The following PIK3C2G variants were observed in gnomAD, a reference collection of about 807,000 sequenced individuals.
PIK3C2G encodes the protein phosphatidylinositol-4-phosphate 3-kinase catalytic subunit type 2 gamma, also known as phosphatidylinositol 3-kinase C2 domain-containing subunit gamma.
A neutral mutation model predicts 181.1 loss-of-function variants in PIK3C2G; 168 were observed. The observed-to-expected ratio is 0.93, with a 90% confidence interval of 0.82 to 1.05. The LOEUF (loss-of-function observed/expected upper bound fraction) is 1.05. Among genes scored for constraint, PIK3C2G ranks in the 50% least tolerant of loss-of-function variants. PIK3C2G has a pLI of 0.00. For synonymous variants in PIK3C2G, 573 were observed against 592.2 expected, an observed-to-expected ratio of 0.97 and a Z score of 0.47; for missense variants, 1,869 against 1,732.8, an observed-to-expected ratio of 1.08 and a Z score of -1.40.
chr12:18,664,721 G>A, the PIK3C2G span, among the ~76,000 whole-genome samples: 81 of 151,344 alleles, frequency 5.4e-4, no homozygotes, highest in African/African-American at 1.8e-3. Context: ...TGTTTATTGC[G>A]GCACTATTCA....
At chr12:18,324,856 T>C (rs571738840) in intron 7 of PIK3C2G, among the ~76,000 whole-genome samples, 179 bp from the exon 8 acceptor site, 1 of 152,338 alleles carries the variant, frequency 6.6e-6, no homozygotes, top group South Asian at 2.1e-4. Flanking sequence ...TATCAAGTTA[T>C]ACAAACTTTA....
intron 29 of PIK3C2G, among the ~76,000 whole-genome samples, chr12:18,567,469 T>C (rs910786860): frequency 2.6e-5 from 4 of 152,080 alleles, no homozygotes; most frequent in African/African-American, 9.7e-5. Context: ...GCCTAATTTG[T>C]ATAAAATACA....
intron 32 of PIK3C2G, among the ~76,000 whole-genome samples, chr12:18,646,941 C>T (rs923191159): frequency 5.3e-5 from 8 of 151,598 alleles, no homozygotes; most frequent in South Asian, 2.1e-4. Context: ...AAGAACAAGA[C>T]GTGAAACTGT....
chr12:18,417,516 C>T (rs542049452), intron 16 of PIK3C2G, among the ~76,000 whole-genome samples: 46 of 152,152 alleles, frequency 3.0e-4, no homozygotes, highest in African/African-American at 1.1e-3. Flanking sequence ...TTACCACAAC[C>T]ACCCCAACCT....
chr12:18,303,019 C>G (rs530947459), intron 5 of PIK3C2G, among the ~76,000 whole-genome samples: 1 of 152,126 alleles, frequency 6.6e-6, no homozygotes, highest in Non-Finnish European at 1.5e-5. Flanking sequence ...CTCAGACCCC[C>G]CAGTGGTACA....
chr12:18,716,033 A>AT, the PIK3C2G span, among the ~76,000 whole-genome samples: 4 of 152,208 alleles, frequency 2.6e-5, no homozygotes, highest in Non-Finnish European at 5.9e-5. Flanking sequence ...GCAAATGAAT[A>AT]TATTTCTTGG....
intron 32 of PIK3C2G, among the ~76,000 whole-genome samples, chr12:18,642,991 A>G (rs1296451861): frequency 6.6e-6 from 1 of 152,090 alleles, no homozygotes; most frequent in African/African-American, 2.4e-5. Context: ...TTTTGAGTAC[A>G]AGTCTCCATG....
chr12:18,324,463 G>A (rs1444925462), intron 7 of PIK3C2G, among the ~76,000 whole-genome samples: 1 of 152,174 alleles, frequency 6.6e-6, no homozygotes, highest in Non-Finnish European at 1.5e-5. Flanking sequence ...AAATAAGAAG[G>A]TAAAGTCAAT....
intron 18 of PIK3C2G, among the ~76,000 whole-genome samples, chr12:18,457,332 G>A (rs1694841187): frequency 2.0e-5 from 3 of 152,120 alleles, no homozygotes; most frequent in Admixed American, 2.0e-4. Context: ...TGGCAATTGA[G>A]GAAGTAAGAA....
chr12:18,348,049 T>G (rs1939847837), intron 11 of PIK3C2G, among the ~76,000 whole-genome samples: 1 of 152,038 alleles, frequency 6.6e-6, no homozygotes, highest in African/African-American at 2.4e-5. Context: ...ATTATTACTC[T>G]AATTAATGTT....
Position 18,407,023 on chromosome 12 carries a change from A to C in PIK3C2G, c.2315+7176A>C, listed in dbSNP as rs1287847598. 4.6e-5 allele frequency among the ~76,000 whole-genome samples: 7 copies of C among 152,262 alleles called. No homozygotes were observed. In the East Asian group the frequency reaches 1.4e-3, roughly 29 times the overall value. ...AGTTATTCCTTGAATGACCTTGGAC[A>C]AGTTTATTTAACTTTAAAACAAAGA... On this transcript the variant is annotated intron_variant, in intron 16 of 32. Coordinates refer to ENST00000538779, the MANE Select transcript of PIK3C2G (RefSeq NM_001288772.2).
chr12:18,619,235 A>G (rs1035083794), intron 31 of PIK3C2G, among the ~76,000 whole-genome samples: 19 of 152,158 alleles, frequency 1.2e-4, no homozygotes, highest in Middle Eastern at 3.4e-3. Flanking sequence ...GAAACAGCAG[A>G]AGGTAGAAGA....
the PIK3C2G span, among the ~76,000 whole-genome samples, chr12:18,659,850 C>G: frequency 6.6e-6 from 1 of 152,054 alleles, no homozygotes. Context: ...CAGATAAAAA[C>G]TGAGACAGTT....
intron 31 of PIK3C2G, among the ~76,000 whole-genome samples, chr12:18,624,472 T>A (rs1949003054): frequency 6.6e-6 from 1 of 151,594 alleles, no homozygotes; most frequent in African/African-American, 2.4e-5. Context: ...TTAATATGTT[T>A]GTGAAGACTA....
At chr12:18,568,063 G>A (rs943790656) in intron 29 of PIK3C2G, among the ~76,000 whole-genome samples, 1 of 152,132 alleles carries the variant, frequency 6.6e-6, no homozygotes, top group Non-Finnish European at 1.5e-5. Context: ...GGGCTCTTGT[G>A]ATTACACTGT....
downstream of PIK3C2G, among the ~76,000 whole-genome samples, chr12:18,650,524 T>A (rs1366512745): frequency 2.0e-5 from 3 of 150,514 alleles, no homozygotes; most frequent in African/African-American, 7.3e-5. Context: ...AGCTATTTTG[T>A]ATGCTCATTT....
the PIK3C2G span, among the ~76,000 whole-genome samples, chr12:18,682,474 C>T: frequency 6.6e-6 from 1 of 152,004 alleles, no homozygotes; most frequent in Non-Finnish European, 1.5e-5. Flanking sequence ...TTCTACATGA[C>T]ATTTAATAAA....
intron 5 of PIK3C2G, among the ~76,000 whole-genome samples, chr12:18,308,549 C>G (rs1338848928): frequency 6.6e-6 from 1 of 150,758 alleles, no homozygotes; most frequent in Non-Finnish European, 1.5e-5. Context: ...TCTATCTCTG[C>G]TTGCTTGACT....
At chr12:18,402,657 A>C (rs901063893) in intron 16 of PIK3C2G, among the ~76,000 whole-genome samples, 64 of 152,134 alleles carry the variant, frequency 4.2e-4, no homozygotes, top group African/African-American at 1.5e-3. Flanking sequence ...ATTTTTTAGA[A>C]AAATCTTTAA....
Sources: allele counts gnomAD v4.1 joint callset (sites outside exome capture counted in the v4.1 genomes callset), GRCh38; gene constraint gnomAD v4.1.1; transcripts MANE v1.5; gene names NCBI Gene and HGNC (gene_info 2026-07-23, HGNC 2026-07-21).